ZAP70: variants seen among roughly 807,000 people sequenced by gnomAD.
ZAP70 encodes tyrosine-protein kinase ZAP-70.
A neutral mutation model predicts 65.8 loss-of-function variants in ZAP70; 27 were observed. The observed-to-expected ratio is 0.41, with a 90% confidence interval of 0.30 to 0.57. The LOEUF (loss-of-function observed/expected upper bound fraction) is 0.57. Ranked by LOEUF, ZAP70 falls within the 20% of genes least tolerant of loss-of-function variation. The probability of loss-of-function intolerance (pLI) is 0.28; values close to 1 mark genes in which losing one functional copy is unlikely to be tolerated. For synonymous variants in ZAP70, 363 were observed against 360.8 expected, an observed-to-expected ratio of 1.01 and a Z score of -0.07; for missense variants, 696 against 870.5, an observed-to-expected ratio of 0.80 and a Z score of 2.52.
downstream of ZAP70, among the ~76,000 whole-genome samples, chr2:97,741,477 G>C (rs1678128715): frequency 6.6e-6 from 1 of 150,986 alleles, no homozygotes; most frequent in East Asian, 2.0e-4. Context: ...TCCCCTCCCG[G>C]GTGATGTCCG....
At chr2:97,745,879 G>A in the ZAP70 span, among the ~76,000 whole-genome samples, 1 of 152,318 alleles carries the variant, frequency 6.6e-6, no homozygotes, top group Non-Finnish European at 1.5e-5. Context: ...CATCATTCAC[G>A]ATAGCCAAAA....
At chr2:97,752,290 T>C in the ZAP70 span, among the ~76,000 whole-genome samples, 2 of 152,344 alleles carry the variant, frequency 1.3e-5, no homozygotes, top group South Asian at 2.1e-4. Context: ...GTAACCATTA[T>C]TGGCAATACC....
At chr2:97,743,225 C>T (rs1421059084), downstream of ZAP70, among the ~76,000 whole-genome samples, 1 of 152,242 alleles carries the variant, frequency 6.6e-6, no homozygotes, top group East Asian at 1.9e-4. Context: ...TCCCTCCCAC[C>T]TCTGGCTCTC....
chr2:97,732,720 G>A (rs1677659478), intron 4 of ZAP70, 163 bp from the exon 5 acceptor site: 1 of 1,005,314 alleles, frequency 9.9e-7, no homozygotes, highest in Non-Finnish European at 1.5e-6. Flanking sequence ...ATCATCAGCA[G>A]ATCTGGAGGT....
At chr2:97,721,580 A>ATTTTTTTTTTTTTTTTTTTTTTTTTTTTT (rs796509420) in intron 2 of ZAP70, among the ~76,000 whole-genome samples, 2 of 81,164 alleles carry the variant, frequency 2.5e-5, no homozygotes, top group Non-Finnish European at 4.6e-5. Context: ...TGGCTGGCTG[A>ATTTTTTTTTTTTTTTTTTTTTTTTTTTTT]TTTTTTTTTT....
chr2:97,755,588 C>T, the ZAP70 span, among the ~76,000 whole-genome samples: 1 of 152,124 alleles, frequency 6.6e-6, no homozygotes. Flanking sequence ...CCCAAGGCAT[C>T]CCCCCTTGTC....
At chr2:97,742,844 C>G (rs1678163644), downstream of ZAP70, among the ~76,000 whole-genome samples, 1 of 152,240 alleles carries the variant, frequency 6.6e-6, no homozygotes, top group Non-Finnish European at 1.5e-5. Flanking sequence ...AACATGCCCA[C>G]TATCCCAAGG....
At chr2:97,724,666 T>C in intron 3 of ZAP70, 2 of 1,527,436 alleles carry the variant, frequency 1.3e-6, no homozygotes, top group Non-Finnish European at 1.8e-6. Context: ...TATGGTGCTC[T>C]ACTATGCCAG....
intron 4 of ZAP70, among the ~76,000 whole-genome samples, chr2:97,725,825 G>A (rs1005427343): frequency 6.6e-6 from 1 of 152,178 alleles, no homozygotes; most frequent in Non-Finnish European, 1.5e-5. Context: ...AGCTTTCAGG[G>A]GGAAGGGTGT....
chr2:97,725,371 T>C lies in ZAP70; in HGVS notation c.563+119T>C, dbSNP rs1384141970. The C allele has an allele frequency of 5.6e-6, 7 of 1,261,180 alleles. No homozygotes were observed. The East Asian group carries it at 1.7e-4, about 30-fold the overall frequency. The allele number at this position is 1,261,180 out of a possible 1,614,324, so 78.1% of individuals were successfully genotyped here. A position where few individuals can be genotyped will look rare whatever the true frequency, so the allele number is the denominator to read the frequency against. The stretch of plus-strand genomic sequence containing the variant: ...GTAAGGGTGTCCCTGTGCTCACATG[T>C]GCAAGTGGGTTGTGTGTTTCTGATG... On this transcript the variant is annotated intron_variant, in intron 4 of 13. Coordinates refer to ENST00000264972, the MANE Select transcript of ZAP70 (RefSeq NM_001079.4).
chr2:97,713,736 C>T (rs931102973), intron 1 of ZAP70, 62 bp downstream of exon 1: 1 of 152,474 alleles, frequency 6.6e-6, no homozygotes, highest in African/African-American at 2.4e-5. Context: ...CCAGGGGGCT[C>T]TGGGAGACCT....
At position 97,724,213 on chromosome 2, in the gene ZAP70, T is replaced by C. The variant is rs746960120; in HGVS notation, c.177T>C (p.Phe59=). 4.4e-6 allele frequency: 7 copies of C among 1,600,610 alleles called. No individual in the cohort carries two copies. Among genetic ancestry groups the C allele is most frequent in the Non-Finnish European group, 6.0e-6 (7 of 1,175,148 alleles). ...TGCACGATGTGCGCTTCCACCACTT[T>C]CCCATCGAGCGCCAGCTCAACGGCA... ...SLVHDVRFHH[F]PIERQLNGTY... Residue 59 remains phenylalanine (F), a synonymous_variant, in exon 3 of 14, where the codon TTT becomes TTC. Coordinates refer to ENST00000264972, the MANE Select transcript of ZAP70 (RefSeq NM_001079.4).
At chr2:97,734,756 A>G (rs1677779392) in intron 9 of ZAP70, 44 bp downstream of exon 9, 4 of 1,607,882 alleles carry the variant, frequency 2.5e-6, no homozygotes, top group Non-Finnish European at 3.4e-6. Flanking sequence ...CGCCTGGGGC[A>G]GAGGGGAGTG....
In ZAP70 at chr2:97,733,355, G is replaced by A; in HGVS notation, c.837+12G>A. 1 of 1,590,608 alleles carries A rather than the reference G, an allele frequency of 6.3e-7. No homozygotes were observed. The highest frequency in any genetic ancestry group is 8.6e-7 in the Non-Finnish European group (1 of 1,166,828). On this transcript the variant is annotated intron_variant, in intron 7 of 13. Transcript: ENST00000264972. ...CCACGTTGACTCATGTGAGTTGGGG[G>A]CACCTGGAGTGTGGCCTTGGGGATG...
chr2:97,722,156 A>G (rs979061488), intron 2 of ZAP70, among the ~76,000 whole-genome samples: 1 of 151,712 alleles, frequency 6.6e-6, no homozygotes, highest in African/African-American at 2.4e-5. Context: ...TCTCGGCTCA[A>G]TGGAATCTCC....
downstream of ZAP70, among the ~76,000 whole-genome samples, chr2:97,741,263 G>T (rs1678119709): frequency 6.6e-6 from 1 of 152,200 alleles, no homozygotes; most frequent in South Asian, 2.1e-4. Context: ...TCCCCTGGAA[G>T]GTGCTTGCAG....
chr2:97,724,463 G>T, intron 3 of ZAP70, 25 bp downstream of exon 3: 1 of 1,519,498 alleles, frequency 6.6e-7, no homozygotes, highest in Non-Finnish European at 8.8e-7. Context: ...TGGGGCGCGG[G>T]GTCTGGAGGG....
Position 97,731,713 on chromosome 2 carries a change from G to A in ZAP70, c.564-1170G>A, listed in dbSNP as rs78741411. Among the ~76,000 whole-genome samples the A allele has an allele frequency of 3.9e-5, 6 of 152,346 alleles. No homozygotes were observed. Among genetic ancestry groups the A allele is most frequent in the African/African-American group, 1.4e-4 (6 of 41,576 alleles). On this transcript the variant is annotated intron_variant, in intron 4 of 13. Coordinates refer to ENST00000264972, the MANE Select transcript of ZAP70 (RefSeq NM_001079.4). The surrounding 1 kb of genome is among the most constrained non-coding windows in gnomAD (Gnocchi z 4.0). ...TTGCTCACTGCCATATCCCTGCGCT[G>A]AGAACAGTGCCTGGCCTGTCAGTAA...
intron 4 of ZAP70, 82 bp downstream of exon 4, chr2:97,725,334 T>C (rs1677345534): frequency 3.2e-6 from 5 of 1,559,632 alleles, no homozygotes; most frequent in South Asian, 1.2e-5. Context: ...GACGTGAGTG[T>C]GCAGTTGGGC....
Sources: gnomAD v4.1 joint callset for allele counts (sites outside exome capture counted in the v4.1 genomes callset) on GRCh38, gnomAD v4.1.1 for gene constraint, Gnocchi (gnomAD v3.1) non-coding constraint, MANE v1.5 for transcripts, NCBI Gene and HGNC (gene_info 2026-07-23, HGNC 2026-07-21) for gene names.